Variants in CNOT6 observed in about 807,000 individuals in gnomAD.
CNOT6 encodes the protein CCR4-NOT transcription complex subunit 6, also known as carbon catabolite repression 4 protein.
CNOT6 carries 12 observed loss-of-function variants against 61.2 expected under a neutral mutation model. The observed-to-expected ratio is 0.20, with a 90% confidence interval of 0.13 to 0.32. CNOT6 has a LOEUF of 0.32. CNOT6 is among the 10% of genes least tolerant of loss of function. CNOT6 has a pLI of 1.00. For synonymous variants in CNOT6, 225 were observed against 240.6 expected (o/e 0.94, Z 0.60); for missense variants, 405 against 663.9 (o/e 0.61, Z 4.28).
chr5:180,531,707 G>C (rs2127723149), intron 2 of CNOT6, among the ~76,000 whole-genome samples: 1 of 152,374 alleles, frequency 6.6e-6, no homozygotes, highest in East Asian at 1.9e-4. Flanking sequence ...TGAGCACTGA[G>C]TGAGCAAAAC....
chr5:180,557,927 G>A (rs573118951), intron 4 of CNOT6, among the ~76,000 whole-genome samples: 2 of 152,310 alleles, frequency 1.3e-5, no homozygotes, highest in East Asian at 1.9e-4. Context: ...GTGGCCTGTC[G>A]ATGTCCAGTT....
chr5:180,545,124 CT>C (rs143584587), intron 2 of CNOT6, among the ~76,000 whole-genome samples: 37,984 of 152,056 alleles, frequency 0.25, 5,808 homozygotes, highest in Middle Eastern at 0.41. Flanking sequence ...AGGGAAATAC[CT>C]TCTTAGATTA....
intron 1 of CNOT6, among the ~76,000 whole-genome samples, chr5:180,515,927 G>A (rs1015129623): frequency 2.0e-5 from 3 of 152,086 alleles, no homozygotes; most frequent in Non-Finnish European, 4.4e-5. Flanking sequence ...TTCTTTTTGA[G>A]ATCAGGGTCT....
chr5:180,536,253 C>A lies in CNOT6; in HGVS notation c.112+6865C>A, dbSNP rs546723991. On this transcript the variant is annotated intron_variant, in intron 2 of 11. Transcript: ENST00000261951. ...TGACCTTGTGATCCGCCTGCCTTGG[C>A]CTCCCAAAGTGCTGGGATTACAGGT... Among the ~76,000 whole-genome samples, 4 of 152,052 alleles carry A rather than the reference C, an allele frequency of 2.6e-5. No individual in the cohort carries two copies. In the East Asian group the frequency reaches 5.8e-4, roughly 22 times the overall value.
intron 2 of CNOT6, chr5:180,534,328 G>A (rs1758560554): frequency 5.4e-6 from 1 of 183,796 alleles, no homozygotes; most frequent in Non-Finnish European, 1.2e-5. Context: ...ATTTTGGAGT[G>A]GTTTTCTTTC....
chr5:180,553,233 A>G (rs1408385182), intron 3 of CNOT6, among the ~76,000 whole-genome samples, 153 bp from the exon 4 acceptor site: 2 of 151,792 alleles, frequency 1.3e-5, no homozygotes, highest in Admixed American at 6.6e-5. Context: ...TTTTTAAACC[A>G]CATGTTATTT....
intron 1 of CNOT6, among the ~76,000 whole-genome samples, chr5:180,514,872 G>GA (rs143458941): frequency 0.016 from 2,399 of 152,058 alleles, 66 homozygotes; most frequent in African/African-American, 0.054. Flanking sequence ...TGGTTGTGAA[G>GA]AAAAAAATAG....
chr5:180,502,878 TA>T (rs1370801471), intron 1 of CNOT6, among the ~76,000 whole-genome samples: 2 of 152,250 alleles, frequency 1.3e-5, no homozygotes, highest in Non-Finnish European at 2.9e-5. Context: ...TGTTGTTAAG[TA>T]AACACTTCAG....
At chr5:180,532,826 GA>G (rs1437153115) in intron 2 of CNOT6, among the ~76,000 whole-genome samples, 1 of 152,190 alleles carries the variant, frequency 6.6e-6, no homozygotes, top group African/African-American at 2.4e-5. Flanking sequence ...AGAACTCAGA[GA>G]AACATCTACT....
At chr5:180,517,857 T>TA (rs1757715043) in intron 1 of CNOT6, among the ~76,000 whole-genome samples, 1 of 152,220 alleles carries the variant, frequency 6.6e-6, no homozygotes, top group South Asian at 2.1e-4. Flanking sequence ...GACCTTTTCT[T>TA]AAACGAGGGC....
At chr5:180,530,925 T>C in intron 2 of CNOT6, among the ~76,000 whole-genome samples, 1 of 152,252 alleles carries the variant, frequency 6.6e-6, no homozygotes, top group East Asian at 1.9e-4. Context: ...AGAAGAATTT[T>C]TCTTAGTACA....
At position 180,549,950 on chromosome 5, in the gene CNOT6, C is replaced by T. The variant is rs368715440; in HGVS notation, c.132C>T (p.Ser44=). The T allele has an allele frequency of 1.8e-5, 29 of 1,611,072 alleles. No homozygotes were observed. The highest frequency in any genetic ancestry group is 8.0e-5 in the African/African-American group (6 of 74,836). ...LEISGKVRSL[S]ASLWSLTHLT... Reference sequence around the variant, plus strand: ...TTACAGGAAAAGTAAGAAGCTTAAGCGCATCTTTGTGGTCACTAACTCACC... The same window carrying T: ...TTACAGGAAAAGTAAGAAGCTTAAGTGCATCTTTGTGGTCACTAACTCACC... Residue 44 remains serine, a synonymous_variant, in exon 3 of 12, where the codon AGC becomes AGT. Coordinates refer to ENST00000261951, the MANE Select transcript of CNOT6 (RefSeq NM_001370472.1).
At chr5:180,568,973 C>G (rs1321517190) in intron 9 of CNOT6, 137 bp from the exon 10 acceptor site, 15 of 643,510 alleles carry the variant, frequency 2.3e-5, no homozygotes, top group Admixed American at 2.1e-4. Flanking sequence ...AGGGCACATT[C>G]AGTCATCCGG....
chr5:180,574,246 A>G lies in CNOT6; in HGVS notation c.*46A>G, dbSNP rs754104929. The G allele has an allele frequency of 6.5e-7, 1 of 1,528,154 alleles. No homozygotes were observed. The highest frequency in any genetic ancestry group is 9.1e-7 in the Non-Finnish European group (1 of 1,102,258). The allele number at this position is 1,528,154 out of a possible 1,614,324, so 94.7% of individuals were successfully genotyped here. On this transcript the variant is annotated 3_prime_UTR_variant, in exon 12 of 12. Coordinates refer to ENST00000261951, the MANE Select transcript of CNOT6 (RefSeq NM_001370472.1). Reference sequence around the variant, plus strand: ...GCCTTGATTCACTTGTAAACTTGTGAAAATCTGAACATAGGGGAGTGAGGT... The same window carrying G: ...GCCTTGATTCACTTGTAAACTTGTGGAAATCTGAACATAGGGGAGTGAGGT...
At chr5:180,565,168 A>G (rs1309847968) in intron 6 of CNOT6, among the ~76,000 whole-genome samples, 1 of 152,240 alleles carries the variant, frequency 6.6e-6, no homozygotes, top group African/African-American at 2.4e-5. Context: ...TAGTGTACTG[A>G]TGAAATTCAC....
At chr5:180,510,134 CTTTTTTTTTTTTTTTTTTTTTT>C (rs56899929) in intron 1 of CNOT6, among the ~76,000 whole-genome samples, 4 of 37,382 alleles carry the variant, frequency 1.1e-4, no homozygotes, top group African/African-American at 1.8e-4. Context: ...GTCTGTAAAC[CTTTTTTTTTTTTTTTTTTTTTT>C]TTTTTTTTTT....
In CNOT6 at chr5:180,574,103, T is replaced by C. The variant is rs1329079636; in HGVS notation, c.1577T>C (p.Leu526Pro). Reference protein sequence around the residue: ...ENNISGCPHPLIPSDHFSLFA... With the variant: ...ENNISGCPHPPIPSDHFSLFA... The stretch of plus-strand genomic sequence containing the variant: ...AACATCAGTGGCTGCCCGCACCCCC[T>C]CATCCCCTCTGACCACTTCTCACTT... Residue 526 changes from leucine to proline, a missense_variant, in exon 12 of 12, where the codon CTC becomes CCC. Physicochemically the swap from Leu to Pro is moderately conservative, Grantham distance 98. Coordinates refer to ENST00000261951, the MANE Select transcript of CNOT6 (RefSeq NM_001370472.1). 1 of 1,613,946 alleles carries C rather than the reference T, an allele frequency of 6.2e-7. No homozygotes were observed. Among genetic ancestry groups the C allele is most frequent in the Non-Finnish European group, 8.5e-7 (1 of 1,179,980 alleles).
At chr5:180,561,118 TTTTG>T (rs1200491812) in intron 4 of CNOT6, among the ~76,000 whole-genome samples, 5 of 151,944 alleles carry the variant, frequency 3.3e-5, no homozygotes, top group African/African-American at 7.3e-5. Flanking sequence ...GCCTGGCTAG[TTTTG>T]TTTGTTTGTT....
At chr5:180,541,842 C>T (rs1759063744) in intron 2 of CNOT6, among the ~76,000 whole-genome samples, 1 of 150,946 alleles carries the variant, frequency 6.6e-6, no homozygotes, top group South Asian at 2.1e-4. Flanking sequence ...CACTATCCGG[C>T]CAGAGAAATT....
Sources: gnomAD v4.1 joint callset for allele counts (sites outside exome capture counted in the v4.1 genomes callset) on GRCh38, gnomAD v4.1.1 for gene constraint, MANE v1.5 for transcripts, NCBI Gene and HGNC (gene_info 2026-07-23, HGNC 2026-07-21) for gene names.